Variants in THOC2 observed in about 807,000 individuals in gnomAD.
THOC2 encodes THO complex 2.
In THOC2, 10 loss-of-function variants were observed where a neutral mutation model predicts 128.4. That is an observed-to-expected ratio of 0.08 (90% CI 0.05 to 0.13). The LOEUF is 0.13. THOC2 is among the 10% of genes least tolerant of loss of function. THOC2 has a pLI of 1.00. For synonymous variants in THOC2, 393 were observed against 396.9 expected (o/e 0.99, Z 0.12); for missense variants, 535 against 1,155.7 (o/e 0.46, Z 7.79).
intron 36 of THOC2, among the ~76,000 whole-genome samples, chrX:123,612,406 T>C (rs2046733341): frequency 8.9e-6 from 1 of 112,070 alleles, no homozygotes; most frequent in African/African-American, 3.2e-5. Context: ...AAAAACATTA[T>C]GCTAAGTGAA....
At chrX:123,712,959 G>T in intron 1 of THOC2, 51 bp from the exon 2 acceptor site, 1 of 901,270 alleles carries the variant, frequency 1.1e-6, no homozygotes, top group South Asian at 2.5e-5. Flanking sequence ...AACATGAGAT[G>T]ATTCTTATAA....
intron 1 of THOC2, among the ~76,000 whole-genome samples, chrX:123,726,683 A>G (rs1233374225): frequency 8.9e-6 from 1 of 112,175 alleles, no homozygotes; most frequent in Non-Finnish European, 1.9e-5. Context: ...GACTAATGGT[A>G]CAGTCATCAT....
intron 3 of THOC2, 23 bp downstream of exon 3, chrX:123,706,835 T>TA (rs2050954712): frequency 1.2e-6 from 1 of 846,868 alleles, no homozygotes; most frequent in Non-Finnish European, 1.6e-6. Context: ...ACTATTAACT[T>TA]AAAAAAATAT....
intron 38 of THOC2, 54 bp from the exon 39 acceptor site, chrX:123,601,392 AGGAG>A (rs1389227455): frequency 1.6e-4 from 17 of 104,519 alleles, no homozygotes; most frequent in African/African-American, 5.9e-4. Flanking sequence ...AAGGAAGGAA[AGGAG>A]GGAGTAGGGG....
At chrX:123,664,442 T>C (rs2048972847) in intron 12 of THOC2, among the ~76,000 whole-genome samples, 1 of 112,110 alleles carries the variant, frequency 8.9e-6, no homozygotes, top group African/African-American at 3.2e-5. Context: ...TAGAAAATTT[T>C]TGCAATCTAC....
intron 7 of THOC2, among the ~76,000 whole-genome samples, chrX:123,690,520 AAAATAACCAGTTATGTTACAGTGAC>A (rs1377799509): frequency 9.0e-6 from 1 of 111,324 alleles, no homozygotes; most frequent in African/African-American, 3.3e-5. Flanking sequence ...AAAGATAGAA[AAAATAACCAGTTATGTTACAGTGAC>A]ACCAACTAGG....
intron 33 of THOC2, among the ~76,000 whole-genome samples, chrX:123,616,248 A>G (rs779779194): frequency 3.6e-5 from 4 of 111,042 alleles, no homozygotes; most frequent in Non-Finnish European, 5.7e-5. Flanking sequence ...ATTTTTGTCC[A>G]TAACAGTTTC....
rs759896774 is a variant in THOC2 at position 123,698,704 on chromosome X, G to A, written c.275-953C>T. 1.9e-4 allele frequency among the ~76,000 whole-genome samples: 20 copies of A among 107,883 alleles called. 1 individual carries two copies. In the South Asian group the frequency reaches 7.0e-3, roughly 37 times the overall value. 93.7% of individuals were successfully genotyped at this position (107,883 alleles called of 115,157 possible). On this transcript the variant is annotated intron_variant, in intron 4 of 38. Transcript: ENST00000245838. ...ATCCTGGGCAACATGATGAAACCCC[G>A]TCTCTACTAAAAATACAAAAATCAG...
chrX:123,714,388 A>T (rs187211164), intron 1 of THOC2, among the ~76,000 whole-genome samples: 321 of 112,465 alleles, frequency 2.9e-3, no homozygotes, highest in Non-Finnish European at 4.8e-3. Context: ...AAGAGAGAAC[A>T]GGGGTGGCTA....
intron 8 of THOC2, among the ~76,000 whole-genome samples, chrX:123,680,010 C>T (rs1603298236): frequency 8.9e-6 from 1 of 112,339 alleles, no homozygotes; most frequent in South Asian, 3.8e-4. Context: ...CAAGGTTTCT[C>T]TCCACGTGAT....
At chrX:123,693,645 GTATT>G (rs2050323382) in intron 7 of THOC2, among the ~76,000 whole-genome samples, 1 of 110,955 alleles carries the variant, frequency 9.0e-6, no homozygotes, top group African/African-American at 3.3e-5. Flanking sequence ...TTTTTACCCA[GTATT>G]TATTTATCAC....
At chrX:123,624,408 A>C in intron 26 of THOC2, 133 bp downstream of exon 26, 1 of 781,349 alleles carries the variant, frequency 1.3e-6, no homozygotes, top group Non-Finnish European at 1.8e-6. Context: ...ATAACAAATT[A>C]ATTGTGCTTA....
At chrX:123,658,189 G>C (rs1324613965) in intron 12 of THOC2, among the ~76,000 whole-genome samples, 1 of 110,223 alleles carries the variant, frequency 9.1e-6, no homozygotes. Flanking sequence ...ACCAAAAATG[G>C]GCCAGAAAGG....
At position 123,638,608 on chromosome X, in the gene THOC2, G is replaced by A. The variant is rs958674618; in HGVS notation, c.1840+326C>T. Among the ~76,000 whole-genome samples the A allele has an allele frequency of 1.0e-4, 11 of 110,266 alleles. No homozygotes were observed. In the East Asian group the frequency reaches 1.1e-3, roughly 11 times the overall value. On this transcript the variant is annotated intron_variant, in intron 17 of 38. Transcript: ENST00000245838. Reference sequence around the variant, plus strand: ...CAGGAGGCGGAGGTTGCAATGAGCCGAGACAGTGCCACTGCATTCCAGCCT... The same window carrying A: ...CAGGAGGCGGAGGTTGCAATGAGCCAAGACAGTGCCACTGCATTCCAGCCT...
intron 33 of THOC2, 103 bp from the exon 34 acceptor site, chrX:123,614,292 A>T: frequency 1.5e-6 from 1 of 674,186 alleles, no homozygotes; most frequent in Non-Finnish European, 2.1e-6. Context: ...TACCCAAAGT[A>T]AAAACTGGTC....
intron 8 of THOC2, 95 bp downstream of exon 8, chrX:123,686,453 T>G: frequency 1.4e-6 from 1 of 711,520 alleles, no homozygotes; most frequent in Non-Finnish European, 2.0e-6. Flanking sequence ...ACACCTGAGA[T>G]GAGACCAATC....
chrX:123,665,657 C>T lies in THOC2; in HGVS notation c.1371G>A (p.Lys457=). 8.7e-7 allele frequency: 1 copy of T among 1,155,411 alleles called. No homozygotes were observed. The highest frequency in any genetic ancestry group is 1.2e-6 in the Non-Finnish European group (1 of 866,209). The change falls in exon 12 of 39, where the codon AAG becomes AAA. Residue 457 remains lysine (K), a synonymous_variant. Coordinates refer to ENST00000245838, the MANE Select transcript of THOC2 (RefSeq NM_001081550.2). ...TCTTACTTACCTCCTTCATAAATGA[C>T]TTGCCTATGCGCACCACTTTTGCAA... ...ILFAKVVRIG[K]SFMKEFQSDG... is the part of the protein sequence containing the mutation.
chrX:123,703,364 T>C, intron 4 of THOC2, 90 bp downstream of exon 4: 1 of 582,550 alleles, frequency 1.7e-6, no homozygotes, highest in Non-Finnish European at 2.7e-6. Flanking sequence ...CAGAAACATT[T>C]GTAAAATTCT....
At chrX:123,690,281 G>A (rs2050167012) in intron 7 of THOC2, among the ~76,000 whole-genome samples, 2 of 111,595 alleles carry the variant, frequency 1.8e-5, no homozygotes, top group Non-Finnish European at 3.8e-5. Context: ...GGGGTAGTGG[G>A]AGGAATGTGC....
Sources: gnomAD v4.1 joint callset for allele counts (sites outside exome capture counted in the v4.1 genomes callset) on GRCh38, gnomAD v4.1.1 for gene constraint, MANE v1.5 for transcripts, NCBI Gene and HGNC (gene_info 2026-07-23, HGNC 2026-07-21) for gene names.